The following TXNDC15 variants were observed in gnomAD, a reference collection of about 807,000 sequenced individuals.
TXNDC15 encodes the protein thioredoxin domain containing 15.
A neutral mutation model predicts 35.0 loss-of-function variants in TXNDC15; 24 were observed. That is an observed-to-expected ratio of 0.68 (90% CI 0.50 to 0.96). The LOEUF (loss-of-function observed/expected upper bound fraction) is 0.96. Ranked by LOEUF, TXNDC15 falls within the 40% of genes least tolerant of loss-of-function variation. The probability of loss-of-function intolerance (pLI) is 0.00; values close to 1 mark genes in which losing one functional copy is unlikely to be tolerated. For missense variants in TXNDC15, 385 were observed against 453.3 expected (o/e 0.85, Z 1.37); for synonymous variants, 169 against 174.0 (o/e 0.97, Z 0.23).
chr5:134,887,150 G>T (rs1426174437), intron 1 of TXNDC15, among the ~76,000 whole-genome samples: 1 of 152,174 alleles, frequency 6.6e-6, no homozygotes, highest in African/African-American at 2.4e-5. Context: ...CTGTGTGTTT[G>T]TCTATTATTT....
chr5:134,874,386 C>A lies in TXNDC15; in HGVS notation c.-42C>A. 6.6e-7 allele frequency: 1 copy of A among 1,521,664 alleles called. No homozygotes were observed. The highest frequency in any genetic ancestry group is 8.8e-7 in the Non-Finnish European group (1 of 1,134,448). The allele number at this position is 1,521,664 out of a possible 1,614,324, so 94.3% of individuals were successfully genotyped here. On this transcript the variant is annotated 5_prime_UTR_variant, in exon 1 of 5. Transcript: ENST00000358387. ...CCCAGCCTTCCTCCGGCTGGCAGCA[C>A]GACTCGCGTAGCCGTGCGCCGATTG...
chr5:134,896,479 C>T, intron 4 of TXNDC15, 55 bp downstream of exon 4: 3 of 1,601,878 alleles, frequency 1.9e-6, no homozygotes, highest in Non-Finnish European at 2.6e-6. Context: ...GGGGTCTGTG[C>T]CTTCTGTGGG....
chr5:134,887,922 G>A lies in TXNDC15; in HGVS notation c.331G>A (p.Gly111Ser), dbSNP rs757173539. 2.3e-5 allele frequency: 37 copies of A among 1,614,034 alleles called. No homozygotes were observed. Among genetic ancestry groups the A allele is most frequent in the Admixed American group, 1.3e-4 (8 of 60,000 alleles). ...AEDKVSSEPS[G>S]VTCGAGGAED... is the part of the protein sequence containing the mutation. ...GGACAAAGTGAGTTCAGAGCCTAGC[G>A]GCGTCACCTGTGGTGCTGGAGGAGC... is the stretch of plus-strand genomic sequence containing the variant. The change falls in exon 2 of 5, where the codon GGC becomes AGC. Residue 111 changes from glycine (G) to serine (S), a missense_variant. Coordinates refer to ENST00000358387, the MANE Select transcript of TXNDC15 (RefSeq NM_024715.4).
chr5:134,876,732 G>GTTTTTT, intron 1 of TXNDC15, among the ~76,000 whole-genome samples: 1 of 131,034 alleles, frequency 7.6e-6, no homozygotes. Context: ...AATCTGAGGT[G>GTTTTTT]TTTTTTTTTT....
chr5:134,895,875 C>A, intron 3 of TXNDC15: 1 of 182,146 alleles, frequency 5.5e-6, no homozygotes, highest in South Asian at 1.2e-4. Context: ...CTTGTGCCAG[C>A]TTACCAAACC....
At chr5:134,886,543 T>C (rs536142347) in intron 1 of TXNDC15, among the ~76,000 whole-genome samples, 6 of 152,372 alleles carry the variant, frequency 3.9e-5, no homozygotes, top group Admixed American at 2.6e-4. Flanking sequence ...CTGAGCATTA[T>C]GCTCAAGACC....
chr5:134,893,025 G>C (rs1380588956), intron 2 of TXNDC15: 1 of 156,416 alleles, frequency 6.4e-6, no homozygotes, highest in Non-Finnish European at 1.4e-5. Context: ...ACCAAAATGT[G>C]ACACAGACAC....
chr5:134,896,550 C>G lies in TXNDC15; in HGVS notation c.886+126C>G, dbSNP rs557933716. On this transcript the variant is annotated intron_variant, in intron 4 of 4. Transcript: ENST00000358387. Reference sequence around the variant, plus strand: ...AGACTGACTTTGAGTTGTAAAACTTCTCTTCTAATGAACTGTTATGATCCT... The same window carrying G: ...AGACTGACTTTGAGTTGTAAAACTTGTCTTCTAATGAACTGTTATGATCCT... The G allele has an allele frequency of 1.0e-5, 12 of 1,174,610 alleles. No individual in the cohort carries two copies. The African/African-American group carries it at 1.6e-4, about 15-fold the overall frequency. 72.8% of individuals were successfully genotyped at this position (1,174,610 alleles called of 1,614,324 possible).
At chr5:134,874,808 G>GT (rs1205087697) in intron 1 of TXNDC15, among the ~76,000 whole-genome samples, 2 of 152,268 alleles carry the variant, frequency 1.3e-5, no homozygotes, top group Admixed American at 6.5e-5. Flanking sequence ...GGACAGTGCG[G>GT]TAAGCGCTGC....
intron 1 of TXNDC15, among the ~76,000 whole-genome samples, chr5:134,882,696 C>T (rs1049078074): frequency 6.6e-6 from 1 of 152,292 alleles, no homozygotes; most frequent in East Asian, 1.9e-4. Context: ...GAAAACCAGT[C>T]AGGCGTGGCG....
Position 134,899,593 on chromosome 5 carries a change from T to G in TXNDC15, c.991T>G (p.Phe331Val), listed in dbSNP as rs1488571908. 1.2e-6 allele frequency: 2 copies of G among 1,613,904 alleles called. No individual in the cohort carries two copies. The highest frequency in any genetic ancestry group is 8.5e-7 in the Non-Finnish European group (1 of 1,179,994). Residue 331 changes from phenylalanine (F) to valine (V), a missense_variant, in exon 5 of 5, where the codon TTC becomes GTC. Coordinates refer to ENST00000358387, the MANE Select transcript of TXNDC15 (RefSeq NM_024715.4). ...SVDWLLVFSLFFLISFIMYAT... is the reference protein window; with the variant it reads ...SVDWLLVFSLVFLISFIMYAT... ...GGACTGGTTGCTTGTATTTTCCTTA[T>G]TCTTTTTAATTAGTTTTATTATGTA...
intron 2 of TXNDC15, among the ~76,000 whole-genome samples, chr5:134,890,556 G>A (rs1283642388): frequency 6.6e-6 from 1 of 151,868 alleles, no homozygotes; most frequent in Admixed American, 6.6e-5. Context: ...GATTACAGGC[G>A]TGCTTCACAT....
chr5:134,890,116 G>C (rs1024840757), intron 2 of TXNDC15, among the ~76,000 whole-genome samples: 10 of 151,528 alleles, frequency 6.6e-5, no homozygotes, highest in Admixed American at 5.3e-4. Flanking sequence ...CTGCAGCCTT[G>C]ACCTCCCAGG....
chr5:134,878,460 C>CCAACCCTTGACTGTTTT (rs1750082281), intron 1 of TXNDC15, among the ~76,000 whole-genome samples: 1 of 152,168 alleles, frequency 6.6e-6, no homozygotes, highest in South Asian at 2.1e-4. Context: ...TGCTGTCCCT[C>CCAACCCTTGACTGTTTT]CAACCCTTGA....
chr5:134,894,036 C>T (rs60682353), intron 3 of TXNDC15, among the ~76,000 whole-genome samples: 7,164 of 152,168 alleles, frequency 0.047, 341 homozygotes, highest in African/African-American at 0.13. Flanking sequence ...CCAGGCAGCC[C>T]AATTCCCAGC....
At position 134,887,966 on chromosome 5, in the gene TXNDC15, C is replaced by T. The variant is rs1750310513; in HGVS notation, c.375C>T (p.Asn125=). The T allele has an allele frequency of 1.9e-6, 3 of 1,614,102 alleles. No individual in the cohort carries two copies. Among genetic ancestry groups the T allele is most frequent in the African/African-American group, 1.3e-5 (1 of 74,920 alleles). The part of the protein sequence containing the change: ...GAGGAEDSRC[N]VRESLFSLDG... ...GAGGAGCGGAGGACTCAAGGTGCAA[C>T]GTCCGAGAGAGCCTTTTCTCTCTGG... Residue 125 remains asparagine, a synonymous_variant, in exon 2 of 5, where the codon AAC becomes AAT. Coordinates refer to ENST00000358387, the MANE Select transcript of TXNDC15 (RefSeq NM_024715.4).
At chr5:134,893,335 A>G (rs1750424536) in intron 2 of TXNDC15, 157 bp from the exon 3 acceptor site, 5 of 743,256 alleles carry the variant, frequency 6.7e-6, no homozygotes, top group Non-Finnish European at 1.1e-5. Flanking sequence ...CTGGATTCAT[A>G]TGGTTCAAAA....
At chr5:134,879,780 C>T (rs1750104905) in intron 1 of TXNDC15, among the ~76,000 whole-genome samples, 1 of 151,534 alleles carries the variant, frequency 6.6e-6, no homozygotes, top group African/African-American at 2.4e-5. Context: ...TGCCACCTCT[C>T]CCTTCTTACC....
rs1750558862 is a variant in TXNDC15, at chr5:134,899,505, G to T, written c.903G>T (p.Lys301Asn). 3 of 1,612,822 alleles carry T rather than the reference G, an allele frequency of 1.9e-6. No homozygotes were observed. Among genetic ancestry groups the T allele is most frequent in the Non-Finnish European group, 2.5e-6 (3 of 1,179,774 alleles). Reference sequence around the variant, plus strand: ...TTCTTTCAGGTATAGAAGCCAAGAAGAATGTGGTGGTAACTCAAGCCGACC... The same window carrying T: ...TTCTTTCAGGTATAGAAGCCAAGAATAATGTGGTGGTAACTCAAGCCGACC... ...IFNQTGIEAKKNVVVTQADQI... is the reference protein window; with the variant it reads ...IFNQTGIEAKNNVVVTQADQI... The change falls in exon 5 of 5, where the codon AAG (lysine) becomes AAT (asparagine). Residue 301 changes from lysine (K) to asparagine (N), a missense_variant. By Grantham distance (94) the Lys-to-Asn change is moderately conservative. Coordinates refer to ENST00000358387, the MANE Select transcript of TXNDC15 (RefSeq NM_024715.4).
Sources: gnomAD v4.1 joint callset for allele counts (sites outside exome capture counted in the v4.1 genomes callset) on GRCh38, gnomAD v4.1.1 for gene constraint, MANE v1.5 for transcripts, NCBI Gene and HGNC (gene_info 2026-07-23, HGNC 2026-07-21) for gene names.